VDR: variants seen among roughly 807,000 people sequenced by gnomAD.
VDR encodes the protein vitamin D3 receptor.
In VDR, 19 loss-of-function variants were observed where a neutral mutation model predicts 39.7. The ratio of observed to expected loss-of-function variants is 0.48; its 90% CI spans 0.33 to 0.70. The LOEUF (loss-of-function observed/expected upper bound fraction) is 0.70. VDR is among the 30% of genes least tolerant of loss of function. The pLI is 0.02. For missense variants in VDR, 442 were observed against 570.5 expected, an observed-to-expected ratio of 0.77 and a Z score of 2.29; for synonymous variants, 242 against 215.8, an observed-to-expected ratio of 1.12 and a Z score of -1.07.
At chr12:47,864,252 C>T (rs1945681490) in intron 4 of VDR, among the ~76,000 whole-genome samples, 1 of 152,262 alleles carries the variant, frequency 6.6e-6, no homozygotes, top group Non-Finnish European at 1.5e-5. Context: ...CTACTGAATT[C>T]AATGCCTACT....
chr12:47,859,922 T>TAA (rs1565615421), intron 4 of VDR, among the ~76,000 whole-genome samples: 2 of 26,588 alleles, frequency 7.5e-5, no homozygotes, highest in Non-Finnish European at 1.5e-4. Context: ...TCCTTCTTTC[T>TAA]TTTTCTTTCT....
intron 1 of VDR, among the ~76,000 whole-genome samples, chr12:47,883,624 C>T (rs527314051): frequency 6.6e-6 from 1 of 152,196 alleles, no homozygotes; most frequent in Non-Finnish European, 1.5e-5. Context: ...CAGACAGACA[C>T]ACACACACAC....
chr12:47,872,181 G>C (rs1388785987), intron 3 of VDR, among the ~76,000 whole-genome samples: 2 of 152,200 alleles, frequency 1.3e-5, no homozygotes, highest in East Asian at 3.8e-4. Flanking sequence ...ATATGTTTGA[G>C]TTTAAATCTT....
intron 4 of VDR, among the ~76,000 whole-genome samples, chr12:47,863,584 C>T (rs370993981): frequency 3.3e-5 from 5 of 152,316 alleles, no homozygotes; most frequent in East Asian, 1.9e-4. Context: ...GTGTGTGAAG[C>T]CTCTTAAGGC....
intron 3 of VDR, among the ~76,000 whole-genome samples, chr12:47,866,171 G>A (rs942584214): frequency 1.2e-4 from 17 of 147,336 alleles, no homozygotes; most frequent in Admixed American, 5.4e-4. Context: ...GCAGTGTTGC[G>A]ATCTCAGCTC....
chr12:47,884,211 C>G (rs1008183697), intron 1 of VDR, among the ~76,000 whole-genome samples: 1 of 152,148 alleles, frequency 6.6e-6, no homozygotes, highest in Admixed American at 6.5e-5. Flanking sequence ...TTTCAGAGGT[C>G]AGAGGTGACA....
In VDR at chr12:47,842,268, T is replaced by G. The variant is rs1409768730; in HGVS notation, c.*2478A>C. 1 of 152,432 alleles carries G rather than the reference T, an allele frequency of 6.6e-6. No individual in the cohort carries two copies. The highest frequency in any genetic ancestry group is 1.5e-5 in the Non-Finnish European group (1 of 68,082). 9.4% of individuals were successfully genotyped at this position (152,432 alleles called of 1,614,324 possible). The stretch of plus-strand genomic sequence containing the variant: ...TTGAGGCAGAGGTGAGTCTCCTTCC[T>G]TCTCCTTCTGATGGGTTGGTGGAGT... On this transcript the variant is annotated 3_prime_UTR_variant, in exon 10 of 10. Transcript: ENST00000549336.
chr12:47,890,897 G>A (rs374824205), intron 1 of VDR, among the ~76,000 whole-genome samples: 141 of 152,186 alleles, frequency 9.3e-4, no homozygotes, highest in African/African-American at 2.9e-3. Flanking sequence ...GCAGAGGGAC[G>A]CGATGGGCAG....
intron 3 of VDR, among the ~76,000 whole-genome samples, chr12:47,871,326 CTT>C (rs1260135458): frequency 1.4e-5 from 2 of 143,822 alleles, no homozygotes; most frequent in Non-Finnish European, 3.0e-5. Flanking sequence ...TTCTTTCTTT[CTT>C]TCTTTCTTTC....
intron 3 of VDR, among the ~76,000 whole-genome samples, chr12:47,869,291 C>A (rs1268833706): frequency 2.0e-5 from 3 of 152,164 alleles, no homozygotes; most frequent in Non-Finnish European, 4.4e-5. Context: ...AATCCCAGCA[C>A]TTTGGGAGGC....
intron 1 of VDR, among the ~76,000 whole-genome samples, chr12:47,885,173 A>G (rs1190344909): frequency 2.0e-5 from 3 of 152,126 alleles, no homozygotes; most frequent in Admixed American, 2.0e-4. Context: ...TAGAAATACC[A>G]AACCCCCAGC....
intron 1 of VDR, among the ~76,000 whole-genome samples, chr12:47,892,726 G>A (rs566356237): frequency 6.6e-6 from 1 of 152,120 alleles, no homozygotes; most frequent in Non-Finnish European, 1.5e-5. Context: ...GGGGGGTGGG[G>A]ATGGGGGACA....
intron 1 of VDR, among the ~76,000 whole-genome samples, chr12:47,889,830 A>G (rs1390773237): frequency 1.3e-5 from 2 of 152,168 alleles, no homozygotes; most frequent in Non-Finnish European, 2.9e-5. Context: ...CAAAAACAAA[A>G]AAGCAGCTCA....
chr12:47,846,507 C>T lies in VDR; in HGVS notation c.908-56G>A, dbSNP rs565479986. The T allele has an allele frequency of 3.9e-6, 6 of 1,548,554 alleles. No homozygotes were observed. The South Asian group carries it at 4.7e-5, about 12-fold the overall frequency. On this transcript the variant is annotated intron_variant, in intron 8 of 9. Coordinates refer to ENST00000549336, the MANE Select transcript of VDR (RefSeq NM_000376.3). ...CAGAGCTGAGGAGCCGCCCACCCAC[C>T]TCCAACCCCATGGGTCTGACCCTCG... is the stretch of plus-strand genomic sequence containing the variant.
At chr12:47,861,677 G>A (rs541937601) in intron 4 of VDR, among the ~76,000 whole-genome samples, 11 of 152,178 alleles carry the variant, frequency 7.2e-5, no homozygotes, top group South Asian at 2.1e-4. Flanking sequence ...GTGATCAGGC[G>A]TCTAAAGTGC....
intron 1 of VDR, among the ~76,000 whole-genome samples, chr12:47,887,774 G>A (rs868764145): frequency 7.9e-5 from 12 of 152,346 alleles, no homozygotes; most frequent in South Asian, 4.1e-4. Flanking sequence ...CCCCAGCAAC[G>A]CAGCTCTAAG....
chr12:47,845,607 A>G (rs1945264715), intron 9 of VDR, among the ~76,000 whole-genome samples: 2 of 152,172 alleles, frequency 1.3e-5, no homozygotes, highest in Admixed American at 1.3e-4. Flanking sequence ...TTTGCTGCTG[A>G]ACCCCAGTAC....
At chr12:47,856,720 A>G (rs1429625284) in intron 6 of VDR, among the ~76,000 whole-genome samples, 2 of 151,906 alleles carry the variant, frequency 1.3e-5, no homozygotes, top group African/African-American at 2.4e-5. Context: ...AGTGGTCCCC[A>G]GAGCTCAAGT....
intron 9 of VDR, among the ~76,000 whole-genome samples, chr12:47,845,704 T>C (rs1592094966): frequency 1.3e-5 from 2 of 151,938 alleles, no homozygotes; most frequent in Non-Finnish European, 2.9e-5. Flanking sequence ...TGGGCAGGGG[T>C]AGAGGAGCCC....
Sources: allele counts gnomAD v4.1 joint callset (sites outside exome capture counted in the v4.1 genomes callset), GRCh38; gene constraint gnomAD v4.1.1; transcripts MANE v1.5; gene names NCBI Gene and HGNC (gene_info 2026-07-23, HGNC 2026-07-21).